Variants in PDZD9 observed in about 807,000 individuals in gnomAD.
PDZD9 encodes PDZ domain containing 9, also known as PDZ domain-containing protein 9.
In PDZD9, 13 loss-of-function variants were observed where a neutral mutation model predicts 16.3. The observed-to-expected ratio is 0.80, with a 90% confidence interval of 0.52 to 1.27. The LOEUF (loss-of-function observed/expected upper bound fraction) is 1.27, where lower values mean the gene tolerates loss of function less well. PDZD9 is among the 50% of genes most tolerant of loss of function. The pLI is 0.00. For synonymous variants in PDZD9, 120 were observed against 111.0 expected (o/e 1.08, Z -0.51); for missense variants, 288 against 310.9 (o/e 0.93, Z 0.55).
chr16:21,963,132 G>A, the PDZD9 span: 1 of 301,218 alleles, frequency 3.3e-6, no homozygotes, highest in Non-Finnish European at 6.2e-6. Context: ...GGAATTATAG[G>A]TGTGCACCAC....
At chr16:21,976,175 G>T in the PDZD9 span, 1 of 1,613,844 alleles carries the variant, frequency 6.2e-7, no homozygotes, top group Non-Finnish European at 8.5e-7. Flanking sequence ...AGGTTATCAA[G>T]GCTGCCTATA....
the PDZD9 span, among the ~76,000 whole-genome samples, chr16:21,965,776 C>CA: frequency 1.6e-4 from 25 of 152,164 alleles, no homozygotes; most frequent in Non-Finnish European, 2.6e-4. Context: ...GAAAACATCT[C>CA]ACATACCTAA....
the PDZD9 span, chr16:21,962,665 C>CT: frequency 1.1e-5 from 18 of 1,597,494 alleles, no homozygotes; most frequent in Non-Finnish European, 1.5e-5. Context: ...ACCACAAGAC[C>CT]TAAAGTTTCA....
chr16:21,965,496 A>G, the PDZD9 span: 11 of 1,595,034 alleles, frequency 6.9e-6, no homozygotes, highest in Non-Finnish European at 9.4e-6. Flanking sequence ...GAAAAGTGAC[A>G]TCAGAGGAGG....
chr16:21,969,863 A>G, the PDZD9 span, among the ~76,000 whole-genome samples: 1 of 147,944 alleles, frequency 6.8e-6, no homozygotes, highest in Non-Finnish European at 1.5e-5. Context: ...CCACTAATCT[A>G]CTTTGTTTTT....
chr16:21,985,174 G>T (rs1054163013), intron 3 of PDZD9, among the ~76,000 whole-genome samples: 1 of 152,122 alleles, frequency 6.6e-6, no homozygotes, highest in Admixed American at 6.5e-5. Context: ...GAGTGCAGTG[G>T]TACAATCATA....
At chr16:21,965,157 A>G in the PDZD9 span, among the ~76,000 whole-genome samples, 1 of 152,236 alleles carries the variant, frequency 6.6e-6, no homozygotes, top group African/African-American at 2.4e-5. Flanking sequence ...TTAAAGTTAG[A>G]AAAGTGGTTT....
At chr16:21,985,338 C>T (rs1898851760) in intron 3 of PDZD9, among the ~76,000 whole-genome samples, 2 of 151,988 alleles carry the variant, frequency 1.3e-5, no homozygotes, top group Admixed American at 1.3e-4. Context: ...CAGGATCTCC[C>T]TATGTTGCCC....
intron 2 of PDZD9, among the ~76,000 whole-genome samples, chr16:21,989,187 C>T (rs1898962897): frequency 6.6e-6 from 1 of 152,000 alleles, no homozygotes; most frequent in Admixed American, 6.6e-5. Context: ...TCCACCTCGG[C>T]CTGCCAAAGT....
In PDZD9 at chr16:21,988,762, T is replaced by G. The variant is rs1196729333; in HGVS notation, c.241A>C (p.Asn81His). Residue 81 changes from asparagine (N) to histidine (H), a missense_variant, in exon 3 of 4, where the codon AAT (asparagine) becomes CAT (histidine). By Grantham distance (68) the Asn-to-His change is moderately conservative (BLOSUM62 1). Transcript: ENST00000424898. ...TCTCGAAGAGTATATCCTAACACAT[T>G]GGCATGGCCAACACTAATCAGAACA... ...GDVLISVGHA[N>H]VLGYTLREFL... The G allele has an allele frequency of 6.2e-7, 1 of 1,612,430 alleles. No individual in the cohort carries two copies. Among genetic ancestry groups the G allele is most frequent in the East Asian group, 2.2e-5 (1 of 44,864 alleles).
At chr16:21,961,078 AC>A in the PDZD9 span, among the ~76,000 whole-genome samples, 7 of 152,000 alleles carry the variant, frequency 4.6e-5, no homozygotes, top group African/African-American at 1.7e-4. Flanking sequence ...TGATCCTCTC[AC>A]CTCAGCCCAG....
the PDZD9 span, among the ~76,000 whole-genome samples, chr16:21,967,890 TTA>T: frequency 1.1e-4 from 17 of 152,302 alleles, no homozygotes; most frequent in Middle Eastern, 3.4e-3. Flanking sequence ...TCATTACTAC[TTA>T]TATAAACACA....
the PDZD9 span, chr16:21,973,821 C>T: frequency 7.0e-7 from 1 of 1,419,774 alleles, no homozygotes; most frequent in East Asian, 2.3e-5. Flanking sequence ...CAAGTTTTTT[C>T]TAGGCAAACT....
At chr16:21,968,997 G>A in the PDZD9 span, among the ~76,000 whole-genome samples, 1 of 152,190 alleles carries the variant, frequency 6.6e-6, no homozygotes, top group Non-Finnish European at 1.5e-5. Context: ...TAGAAAAACA[G>A]GCAAAGGGCA....
the PDZD9 span, among the ~76,000 whole-genome samples, chr16:21,969,274 C>G: frequency 6.6e-6 from 1 of 152,200 alleles, no homozygotes; most frequent in Non-Finnish European, 1.5e-5. Flanking sequence ...TGGCTCATGC[C>G]TGTAATCCTA....
the PDZD9 span, chr16:21,965,382 T>C: frequency 1.2e-6 from 2 of 1,604,018 alleles, no homozygotes; most frequent in Non-Finnish European, 1.7e-6. Context: ...TGCATTTCCC[T>C]AAATGCTTCT....
chr16:21,961,775 C>T, the PDZD9 span, among the ~76,000 whole-genome samples: 3 of 150,330 alleles, frequency 2.0e-5, no homozygotes, highest in Non-Finnish European at 3.0e-5. Flanking sequence ...CCTCAGCCTC[C>T]GTGGTAGCTG....
In PDZD9 at chr16:21,988,803, A is replaced by G; in HGVS notation, c.212-12T>C. The G allele has an allele frequency of 6.3e-7, 1 of 1,584,480 alleles. No individual in the cohort carries two copies. The highest frequency in any genetic ancestry group is 8.6e-7 in the Non-Finnish European group (1 of 1,168,672). On this transcript the variant is annotated splice_polypyrimidine_tract_variant and intron_variant, in intron 2 of 3. Transcript: ENST00000424898. ...AATCAGAACATCACCTGAAGAGGGA[A>G]AAAATTATGTATCAGTAAAACTAGA...
At chr16:21,981,421 A>G (rs1898724319), downstream of PDZD9, among the ~76,000 whole-genome samples, 1 of 152,132 alleles carries the variant, frequency 6.6e-6, no homozygotes, top group Non-Finnish European at 1.5e-5. Context: ...CTTCTCACCA[A>G]CAGGTCTACC....
Sources: gnomAD v4.1 joint callset for allele counts (sites outside exome capture counted in the v4.1 genomes callset) on GRCh38, gnomAD v4.1.1 for gene constraint, MANE v1.5 for transcripts, NCBI Gene and HGNC (gene_info 2026-07-23, HGNC 2026-07-21) for gene names.